ACOX1: variants seen among roughly 807,000 people sequenced by gnomAD.
ACOX1 encodes acyl-CoA oxidase 1, also known as peroxisomal acyl-coenzyme A oxidase 1.
Under a neutral mutation model 75.5 loss-of-function variants are expected in ACOX1, and 41 were observed. That is an observed-to-expected ratio of 0.54 (90% CI 0.42 to 0.70). The LOEUF (loss-of-function observed/expected upper bound fraction) is 0.70. Among genes scored for constraint, ACOX1 ranks in the 30% least tolerant of loss-of-function variants. ACOX1 has a pLI of 0.00. For missense variants in ACOX1, 630 were observed against 837.5 expected (o/e 0.75, Z 3.06); for synonymous variants, 303 against 298.8 (o/e 1.01, Z -0.15).
intron 2 of ACOX1, among the ~76,000 whole-genome samples, chr17:75,969,391 C>T (rs140004908): frequency 0.077 from 11,724 of 152,230 alleles, 491 homozygotes; most frequent in Middle Eastern, 0.16. Flanking sequence ...GTCTCGAACT[C>T]CCGACCTCAG....
At position 75,978,678 on chromosome 17, in the gene ACOX1, T is replaced by C; in HGVS notation, c.125A>G (p.Asn42Ser). The C allele has an allele frequency of 2.5e-6, 4 of 1,614,102 alleles. No homozygotes were observed. The highest frequency in any genetic ancestry group is 3.4e-6 in the Non-Finnish European group (4 of 1,180,032). The change falls in exon 2 of 14, where the codon AAC (asparagine) becomes AGC (serine). Residue 42 changes from asparagine (N) to serine (S), a missense_variant. Asn to Ser is a conservative substitution (Grantham distance 46). Around this residue, in one of 2 missense-constraint regions of ACOX1, gnomAD observed 390 missense variants for 574.9 expected, o/e 0.68. Transcript: ENST00000293217. This position sits in a 1 kb window ranked among gnomAD's most constrained non-coding sequence, Gnocchi z 4.2. ...RRREIENMIL[N>S]DPDFQHEDLN... ...GTCCTCATGCTGGAAGTCTGGGTCG[T>C]TCAGGATCATGTTCTCTGAAAGGGG... is the stretch of plus-strand genomic sequence containing the variant.
At chr17:75,958,180 C>T (rs1217211588) in intron 3 of ACOX1, among the ~76,000 whole-genome samples, 1 of 148,328 alleles carries the variant, frequency 6.7e-6, no homozygotes, top group Non-Finnish European at 1.5e-5. Context: ...TGGTGAAACC[C>T]GTCTCTACTA....
At position 75,942,649 on chromosome 17, in the gene ACOX1, G is replaced by C. The variant is rs1458627493; in HGVS notation, c.*4099C>G. The C allele has an allele frequency of 6.6e-6, 1 of 151,940 alleles. No homozygotes were observed. Among genetic ancestry groups the C allele is most frequent in the Non-Finnish European group, 1.5e-5 (1 of 67,996 alleles). 9.4% of individuals were successfully genotyped at this position (151,940 alleles called of 1,614,324 possible). A position where few individuals can be genotyped will look rare whatever the true frequency, so the allele number is the denominator to read the frequency against. On this transcript the variant is annotated 3_prime_UTR_variant, in exon 14 of 14. Coordinates refer to ENST00000293217, the MANE Select transcript of ACOX1 (RefSeq NM_004035.7). Reference sequence around the variant, plus strand: ...CTTGGTCTCAGGTCATCAGTTTCCTGGCACTCCTCCTCTCTCTAGCTGTAG... The same window carrying C: ...CTTGGTCTCAGGTCATCAGTTTCCTCGCACTCCTCCTCTCTCTAGCTGTAG...
At position 75,946,795 on chromosome 17, in the gene ACOX1, C is replaced by T. The variant is rs2065724125; in HGVS notation, c.1936G>A (p.Val646Ile). Residue 646 changes from valine (V) to isoleucine (I), a missense_variant and splice_region_variant, in exon 14 of 14, where the codon GTC becomes ATC. This residue lies in a region of ACOX1 where 240 missense variants were observed against 262.7 expected (regional missense o/e 0.91). Transcript: ENST00000293217. ...TTCAGGTGCTTGTAAGATTCGTGGA[C>T]CTGTGGGGAAAGGAGAGAGAAGAAC... is the stretch of plus-strand genomic sequence containing the variant. ...AKNSPLNKAE[V>I]HESYKHLKSL... 3 of 1,613,410 alleles carry T rather than the reference C, an allele frequency of 1.9e-6. No individual in the cohort carries two copies. The highest frequency in any genetic ancestry group is 1.3e-5 in the African/African-American group (1 of 74,882).
intron 2 of ACOX1, among the ~76,000 whole-genome samples, chr17:75,968,435 C>CAAAA (rs55909021): frequency 2.9e-4 from 6 of 21,008 alleles, no homozygotes; most frequent in East Asian, 9.3e-4. Flanking sequence ...GACTCCGTCT[C>CAAAA]AAAAAAAAAA....
chr17:75,976,762 A>G (rs2066053862), intron 2 of ACOX1, among the ~76,000 whole-genome samples: 1 of 152,172 alleles, frequency 6.6e-6, no homozygotes, highest in Non-Finnish European at 1.5e-5. Context: ...GGCAGTGACC[A>G]TTATTACCAT....
intron 4 of ACOX1, among the ~76,000 whole-genome samples, chr17:75,956,354 T>C (rs531173029): frequency 1.3e-5 from 2 of 152,280 alleles, no homozygotes; most frequent in Non-Finnish European, 2.9e-5. Flanking sequence ...ATTGGAAATA[T>C]ATATTCCAAG....
chr17:75,964,768 C>T (rs183363319), intron 2 of ACOX1, among the ~76,000 whole-genome samples: 48 of 152,204 alleles, frequency 3.2e-4, no homozygotes, highest in East Asian at 1.9e-3. Flanking sequence ...CGTAAAATTA[C>T]GAAGCACCAA....
intron 3 of ACOX1, among the ~76,000 whole-genome samples, chr17:75,959,800 G>C (rs992232856): frequency 2.0e-5 from 3 of 152,050 alleles, no homozygotes; most frequent in African/African-American, 7.2e-5. Context: ...AAATCCAAGA[G>C]TACACAAACT....
In ACOX1 at chr17:75,943,517, G is replaced by A. The variant is rs1273270964; in HGVS notation, c.*3231C>T. 2 of 152,460 alleles carry A rather than the reference G, an allele frequency of 1.3e-5. No individual in the cohort carries two copies. Among genetic ancestry groups the A allele is most frequent in the African/African-American group, 2.4e-5 (1 of 41,536 alleles). 9.4% of individuals were successfully genotyped at this position (152,460 alleles called of 1,614,324 possible). ...CACACCACTGCATTCCAGCCTGGGT[G>A]AGAGTGAGACCCTCATGGGGTGGAA... On this transcript the variant is annotated 3_prime_UTR_variant, in exon 14 of 14. Transcript: ENST00000293217.
At chr17:75,968,392 C>T (rs1373141027) in intron 2 of ACOX1, among the ~76,000 whole-genome samples, 5 of 127,554 alleles carry the variant, frequency 3.9e-5, no homozygotes, top group Admixed American at 2.4e-4. Flanking sequence ...GCCGAGATCC[C>T]GCCACTGCAC....
chr17:75,978,607 T>C lies in ACOX1; in HGVS notation c.196A>G (p.Lys66Glu). 6.2e-7 allele frequency: 1 copy of C among 1,614,188 alleles called. No individual in the cohort carries two copies. Among genetic ancestry groups the C allele is most frequent in the South Asian group, 1.1e-5 (1 of 91,076 alleles). Residue 66 changes from lysine (K) to glutamate (E), a missense_variant, in exon 2 of 14, where the codon AAA becomes GAA. Lys to Glu is a moderately conservative substitution (Grantham distance 56, BLOSUM62 1). Transcript: ENST00000293217. This position sits in a 1 kb window ranked among gnomAD's most constrained non-coding sequence, Gnocchi z 4.2. ...ATCTTCTTCACCATGATGGCACTTT[T>C]CCTGACAGCCACCTCATAACGCTGG... ...RSQRYEVAVR[K>E]SAIMVKKMRE...
In ACOX1 at chr17:75,945,439, T is replaced by C. The variant is rs771460771; in HGVS notation, c.*1309A>G. ...CATATTACCAGTTCCCCAGGATAGATAGATATTATGTCAGGTCCCAAGATA... is the reference window on the plus strand; with the variant it reads ...CATATTACCAGTTCCCCAGGATAGACAGATATTATGTCAGGTCCCAAGATA... On this transcript the variant is annotated 3_prime_UTR_variant, in exon 14 of 14. Transcript: ENST00000293217. 2.0e-5 allele frequency: 3 copies of C among 152,138 alleles called. No individual in the cohort carries two copies. Among genetic ancestry groups the C allele is most frequent in the Non-Finnish European group, 2.9e-5 (2 of 68,020 alleles). The allele number at this position is 152,138 out of a possible 1,614,324, so 9.4% of individuals were successfully genotyped here. A position where few individuals can be genotyped will look rare whatever the true frequency, so the allele number is the denominator to read the frequency against.
chr17:75,959,082 G>T (rs1355399206), intron 3 of ACOX1, among the ~76,000 whole-genome samples: 1 of 152,180 alleles, frequency 6.6e-6, no homozygotes, highest in East Asian at 1.9e-4. Flanking sequence ...AAATGTTCTA[G>T]GTGGCAGTCT....
chr17:75,955,453 G>A (rs935748783), intron 6 of ACOX1, 113 bp downstream of exon 6: 3 of 884,622 alleles, frequency 3.4e-6, no homozygotes, highest in Non-Finnish European at 5.5e-6. Context: ...ATATGCCAGT[G>A]TGCCCTGCTG....
At chr17:75,966,944 T>C (rs1288904421) in intron 2 of ACOX1, among the ~76,000 whole-genome samples, 5 of 150,864 alleles carry the variant, frequency 3.3e-5, no homozygotes, top group Admixed American at 3.3e-4. Context: ...AGAAAGGACA[T>C]AATGGGAATA....
At chr17:75,961,527 T>C (rs1163737702) in intron 2 of ACOX1, among the ~76,000 whole-genome samples, 2 of 150,152 alleles carry the variant, frequency 1.3e-5, no homozygotes, top group African/African-American at 2.5e-5. Flanking sequence ...CCCAGCACTT[T>C]GAGAGGCCAA....
Position 75,955,693 on chromosome 17 carries a change from G to A in ACOX1, c.659-12C>T, listed in dbSNP as rs1250714142. On this transcript the variant is annotated splice_polypyrimidine_tract_variant and intron_variant, in intron 5 of 13. Coordinates refer to ENST00000293217, the MANE Select transcript of ACOX1 (RefSeq NM_004035.7). ...ACCAACGGTAATTCCTACCACAGAT[G>A]AAAGGACAGTCACGAGATGTTTATG... The A allele has an allele frequency of 1.2e-6, 2 of 1,612,696 alleles. No individual in the cohort carries two copies. The highest frequency in any genetic ancestry group is 1.7e-6 in the Non-Finnish European group (2 of 1,178,830).
intron 2 of ACOX1, among the ~76,000 whole-genome samples, chr17:75,974,818 G>C (rs975400813): frequency 1.3e-5 from 2 of 151,922 alleles, no homozygotes; most frequent in African/African-American, 2.4e-5. Flanking sequence ...GGATCACGAG[G>C]TCAGGAGATC....
Sources: gnomAD v4.1 joint callset for allele counts (sites outside exome capture counted in the v4.1 genomes callset) on GRCh38, gnomAD v4.1.1 for gene constraint, gnomAD v4.1.1 regional missense constraint, Gnocchi (gnomAD v3.1) non-coding constraint, MANE v1.5 for transcripts, NCBI Gene and HGNC (gene_info 2026-07-23, HGNC 2026-07-21) for gene names.